Variants in SLC6A5 observed in about 807,000 individuals in gnomAD.
The protein encoded by SLC6A5 is solute carrier family 6 member 5, also known as sodium- and chloride-dependent glycine transporter 2.
SLC6A5 carries 58 observed loss-of-function variants against 90.5 expected under a neutral mutation model. The ratio of observed to expected loss-of-function variants is 0.64; its 90% CI spans 0.52 to 0.80. The LOEUF is 0.80. SLC6A5 is among the 30% of genes least tolerant of loss of function. The pLI, the probability that SLC6A5 is intolerant of heterozygous loss-of-function variation, is 0.00. For missense variants in SLC6A5, 1,015 were observed against 1,017.6 expected, an observed-to-expected ratio of 1.00 and a Z score of 0.03; for synonymous variants, 427 against 401.4, an observed-to-expected ratio of 1.06 and a Z score of -0.76.
intron 2 of SLC6A5, among the ~76,000 whole-genome samples, 153 bp from the exon 3 acceptor site, chr11:20,604,133 C>G (rs565066688): frequency 1.3e-4 from 19 of 151,482 alleles, no homozygotes; most frequent in South Asian, 8.4e-4. Flanking sequence ...TGCATCCTTT[C>G]TTTAGATTTG....
chr11:20,638,323 T>C, intron 12 of SLC6A5, 136 bp from the exon 13 acceptor site: 2 of 709,330 alleles, frequency 2.8e-6, no homozygotes, highest in Non-Finnish European at 5.2e-6. Context: ...TTACTGCTAC[T>C]GAGAGGAGGG....
Position 20,601,774 on chromosome 11 carries a change from A to C in SLC6A5, c.540+109A>C, listed in dbSNP as rs140342215. 368 of 1,209,532 alleles carry C rather than the reference A, an allele frequency of 3.0e-4. 2 individuals carry two copies. The East Asian group carries it at 8.7e-3, about 29-fold the overall frequency. 74.9% of individuals were successfully genotyped at this position (1,209,532 alleles called of 1,614,324 possible). A position where few individuals can be genotyped will look rare whatever the true frequency, so the allele number is the denominator to read the frequency against. The stretch of plus-strand genomic sequence containing the variant: ...TATGCTGATGGGGAAACCGGTTGGC[A>C]GTGCCAGGTGATGGATGCGGGAGGC... On this transcript the variant is annotated intron_variant, in intron 2 of 15. Coordinates refer to ENST00000525748, the MANE Select transcript of SLC6A5 (RefSeq NM_004211.5).
At chr11:20,644,601 A>G (rs887535404) in intron 13 of SLC6A5, among the ~76,000 whole-genome samples, 1 of 152,208 alleles carries the variant, frequency 6.6e-6, no homozygotes, top group African/African-American at 2.4e-5. Context: ...GTTGGATCAT[A>G]TGGTAGTGCT....
At chr11:20,629,701 A>G (rs901337761) in intron 9 of SLC6A5, among the ~76,000 whole-genome samples, 3 of 151,906 alleles carry the variant, frequency 2.0e-5, no homozygotes, top group Admixed American at 2.0e-4. Flanking sequence ...ATTGTTGTTA[A>G]TATAGTCATC....
chr11:20,638,638 TTAA>T (rs1319714274), intron 13 of SLC6A5, 80 bp downstream of exon 13: 1 of 855,352 alleles, frequency 1.2e-6, no homozygotes, highest in Non-Finnish European at 2.0e-6. Context: ...TTTCCCATAC[TTAA>T]TAAGACAATA....
chr11:20,615,728 T>A (rs1450031159), intron 6 of SLC6A5, among the ~76,000 whole-genome samples: 1 of 151,854 alleles, frequency 6.6e-6, no homozygotes, highest in African/African-American at 2.4e-5. Flanking sequence ...ACGTAAAGAG[T>A]GTTCTCTAGC....
chr11:20,606,624 G>A (rs927208978), intron 3 of SLC6A5, among the ~76,000 whole-genome samples: 1 of 152,122 alleles, frequency 6.6e-6, no homozygotes, highest in Non-Finnish European at 1.5e-5. Context: ...GCTCTGATAA[G>A]ATTTCACCAA....
At chr11:20,621,721 G>A (rs935843376) in intron 7 of SLC6A5, among the ~76,000 whole-genome samples, 12 of 152,180 alleles carry the variant, frequency 7.9e-5, no homozygotes, top group Non-Finnish European at 1.6e-4. Context: ...CAGGAACACT[G>A]TCATTTTTAT....
chr11:20,628,604 T>G (rs138193703), intron 9 of SLC6A5, among the ~76,000 whole-genome samples: 2 of 152,160 alleles, frequency 1.3e-5, no homozygotes, highest in African/African-American at 4.8e-5. Context: ...TGACAAAATA[T>G]GAATTTGGTA....
At chr11:20,601,715 C>T (rs1468670503) in intron 2 of SLC6A5, 50 bp downstream of exon 2, 4 of 1,545,420 alleles carry the variant, frequency 2.6e-6, no homozygotes, top group Non-Finnish European at 3.5e-6. Context: ...TCCAGCTGCG[C>T]GAGAGAGGCC....
chr11:20,601,239 G>T lies in SLC6A5; in HGVS notation c.114G>T (p.Gln38His). The change falls in exon 2 of 16, where the codon CAG (glutamine) becomes CAT (histidine). Residue 38 changes from glutamine (Q) to histidine (H), a missense_variant. This residue lies in a region of SLC6A5 where 567 missense variants were observed against 507.3 expected (regional missense o/e 1.12). Coordinates refer to ENST00000525748, the MANE Select transcript of SLC6A5 (RefSeq NM_004211.5). ...GPCAPRTSPE[Q>H]ELPAAAAPPP... Reference sequence around the variant, plus strand: ...GCGCTCCCAGGACGAGCCCGGAGCAGGAGCTTCCCGCGGCTGCCGCCCCGC... The same window carrying T: ...GCGCTCCCAGGACGAGCCCGGAGCATGAGCTTCCCGCGGCTGCCGCCCCGC... The T allele has an allele frequency of 6.3e-7, 1 of 1,583,040 alleles. No homozygotes were observed.
chr11:20,627,094 T>G (rs1384694945), intron 8 of SLC6A5, among the ~76,000 whole-genome samples: 3 of 152,182 alleles, frequency 2.0e-5, no homozygotes, highest in Admixed American at 2.0e-4. Flanking sequence ...GAAATCCCCT[T>G]AATAGCTTTG....
intron 5 of SLC6A5, among the ~76,000 whole-genome samples, chr11:20,612,120 TC>T (rs1189364595): frequency 1.3e-5 from 2 of 152,186 alleles, no homozygotes; most frequent in Non-Finnish European, 2.9e-5. Flanking sequence ...TATTATTGTT[TC>T]CATTTTTACC....
chr11:20,630,952 A>G, intron 10 of SLC6A5, 137 bp downstream of exon 10: 2 of 949,594 alleles, frequency 2.1e-6, no homozygotes, highest in Non-Finnish European at 3.3e-6. Flanking sequence ...TTCTTTACAG[A>G]GGGACCAAGG....
At chr11:20,611,970 G>A (rs1421265149) in intron 5 of SLC6A5, among the ~76,000 whole-genome samples, 1 of 152,150 alleles carries the variant, frequency 6.6e-6, no homozygotes, top group African/African-American at 2.4e-5. Flanking sequence ...CTGCTGCAAC[G>A]CAGGGTCTTG....
chr11:20,658,473 C>T lies in SLC6A5; in HGVS notation c.*3605C>T, dbSNP rs541987828. The T allele has an allele frequency of 6.6e-6, 1 of 152,250 alleles. No homozygotes were observed. The highest frequency in any genetic ancestry group is 2.4e-5 in the African/African-American group (1 of 41,536). The allele number at this position is 152,250 out of a possible 1,614,324, so 9.4% of individuals were successfully genotyped here. Reference sequence around the variant, plus strand: ...GGCCAACAGAGGAGCATTTCCTTCTCTTTCACACTGGGTATCAAGCAGAAA... The same window carrying T: ...GGCCAACAGAGGAGCATTTCCTTCTTTTTCACACTGGGTATCAAGCAGAAA... On this transcript the variant is annotated 3_prime_UTR_variant, in exon 16 of 16. Transcript: ENST00000525748.
rs111608447 is a variant in SLC6A5 at position 20,655,173 on chromosome 11, G to A, written c.*305G>A. 5.8e-4 allele frequency: 233 copies of A among 400,804 alleles called. No homozygotes were observed. The highest frequency in any genetic ancestry group is 4.5e-3 in the African/African-American group (217 of 48,602). The allele number at this position is 400,804 out of a possible 1,614,324, so 24.8% of individuals were successfully genotyped here. On this transcript the variant is annotated 3_prime_UTR_variant, in exon 16 of 16. Transcript: ENST00000525748. ...GTTAGGTGAGCACTGGTAGGTATGC[G>A]TGGTTTTGTCAATAGAGAGGTATCC...
intron 13 of SLC6A5, among the ~76,000 whole-genome samples, chr11:20,645,462 C>T (rs1275461355): frequency 6.6e-6 from 1 of 152,002 alleles, no homozygotes; most frequent in Non-Finnish European, 1.5e-5. Context: ...ACCCAGAAAT[C>T]TGAGGAGGCT....
At chr11:20,631,844 C>T (rs1853114927) in intron 10 of SLC6A5, among the ~76,000 whole-genome samples, 1 of 152,142 alleles carries the variant, frequency 6.6e-6, no homozygotes, top group African/African-American at 2.4e-5. Context: ...GAGAACTAAG[C>T]CCTGGAAATG....
Sources: gnomAD v4.1 joint callset for allele counts (sites outside exome capture counted in the v4.1 genomes callset) on GRCh38, gnomAD v4.1.1 for gene constraint, gnomAD v4.1.1 regional missense constraint, MANE v1.5 for transcripts, NCBI Gene and HGNC (gene_info 2026-07-23, HGNC 2026-07-21) for gene names.